Variants in AFG2A observed in about 807,000 individuals in gnomAD.
AFG2A encodes the protein AAA ATPase AFG2A.
At chr4:122,980,620 T>C in the AFG2A span, among the ~76,000 whole-genome samples, 2 of 152,208 alleles carry the variant, frequency 1.3e-5, no homozygotes, top group Non-Finnish European at 2.9e-5. Flanking sequence ...ACCAACAGTG[T>C]ACAAGGGTTT....
the AFG2A span, chr4:123,314,353 TTC>T: frequency 5.2e-6 from 1 of 193,282 alleles, no homozygotes; most frequent in Non-Finnish European, 1.0e-5. Flanking sequence ...ATGAAGCGAT[TTC>T]TTTTTCCAGA....
chr4:123,257,701 G>A, the AFG2A span, among the ~76,000 whole-genome samples: 1 of 152,118 alleles, frequency 6.6e-6, no homozygotes, highest in Non-Finnish European at 1.5e-5. Flanking sequence ...GATTTGAGAC[G>A]AGGGCTGGCA....
At chr4:123,199,072 C>CT in the AFG2A span, among the ~76,000 whole-genome samples, 1 of 152,248 alleles carries the variant, frequency 6.6e-6, no homozygotes, top group South Asian at 2.1e-4. Context: ...GGAAGTGAAT[C>CT]TAAGTCCAAG....
At chr4:123,015,607 A>G in the AFG2A span, among the ~76,000 whole-genome samples, 1 of 151,018 alleles carries the variant, frequency 6.6e-6, no homozygotes, top group South Asian at 2.1e-4. Context: ...CATGGCAACC[A>G]TCCGATTTCT....
the AFG2A span, among the ~76,000 whole-genome samples, chr4:123,076,893 T>C: frequency 7.9e-5 from 12 of 152,084 alleles, no homozygotes; most frequent in African/African-American, 2.7e-4. Flanking sequence ...AGATTTATAC[T>C]TGTTTTCTCT....
chr4:123,003,741 G>C, the AFG2A span, among the ~76,000 whole-genome samples: 1 of 152,052 alleles, frequency 6.6e-6, no homozygotes, highest in African/African-American at 2.4e-5. Context: ...CAGTTGGGGT[G>C]CTCGGTGGTC....
the AFG2A span, among the ~76,000 whole-genome samples, chr4:123,311,201 A>G: frequency 6.6e-6 from 1 of 152,214 alleles, no homozygotes; most frequent in Admixed American, 6.5e-5. Flanking sequence ...GTTGACATAT[A>G]CTAGAGGCCC....
At chr4:123,122,773 G>A in the AFG2A span, among the ~76,000 whole-genome samples, 1 of 140,080 alleles carries the variant, frequency 7.1e-6, no homozygotes, top group Non-Finnish European at 1.6e-5. Flanking sequence ...CATGTCATCT[G>A]TTTTTTTGTT....
At chr4:122,956,143 T>C in the AFG2A span, among the ~76,000 whole-genome samples, 1 of 152,164 alleles carries the variant, frequency 6.6e-6, no homozygotes, top group African/African-American at 2.4e-5. Context: ...AAGAGATTTG[T>C]AAACAACTAC....
At chr4:122,934,378 A>G in the AFG2A span, 2 of 1,614,238 alleles carry the variant, frequency 1.2e-6, no homozygotes, top group African/African-American at 1.3e-5. Context: ...AATTACAAAT[A>G]AAGCCAGTGA....
the AFG2A span, among the ~76,000 whole-genome samples, chr4:123,003,455 G>A: frequency 6.6e-6 from 1 of 152,162 alleles, no homozygotes; most frequent in Non-Finnish European, 1.5e-5. Flanking sequence ...TTTGGTCTTT[G>A]ATGATGGTGA....
the AFG2A span, among the ~76,000 whole-genome samples, chr4:123,299,817 A>G: frequency 6.6e-6 from 1 of 152,346 alleles, no homozygotes; most frequent in South Asian, 2.1e-4. Flanking sequence ...TCTATCCTTT[A>G]AAAATTCACC....
At chr4:123,309,651 C>G in the AFG2A span, among the ~76,000 whole-genome samples, 4 of 152,142 alleles carry the variant, frequency 2.6e-5, no homozygotes, top group Non-Finnish European at 5.9e-5. Context: ...GGTTGAGTAT[C>G]ACTAATCTGA....
At chr4:123,270,824 A>T in the AFG2A span, among the ~76,000 whole-genome samples, 2 of 152,192 alleles carry the variant, frequency 1.3e-5, no homozygotes, top group African/African-American at 4.8e-5. Flanking sequence ...TGGAAATGTT[A>T]TTATCTTCTT....
chr4:123,065,946 CATG>C, the AFG2A span, among the ~76,000 whole-genome samples: 1 of 151,904 alleles, frequency 6.6e-6, no homozygotes, highest in Non-Finnish European at 1.5e-5. Flanking sequence ...AACATAAAAA[CATG>C]ATCAAATATA....
At chr4:122,964,610 CTA>C in the AFG2A span, among the ~76,000 whole-genome samples, 1 of 152,090 alleles carries the variant, frequency 6.6e-6, no homozygotes, top group East Asian at 1.9e-4. Flanking sequence ...TGAGGAGAGA[CTA>C]TGTGATACAT....
the AFG2A span, among the ~76,000 whole-genome samples, chr4:122,923,566 A>G: frequency 4.6e-5 from 7 of 152,238 alleles, no homozygotes; most frequent in Non-Finnish European, 8.8e-5. Context: ...TTTAAGTTGC[A>G]CTTGAAACGC....
At chr4:123,172,672 C>G in the AFG2A span, among the ~76,000 whole-genome samples, 36 of 152,246 alleles carry the variant, frequency 2.4e-4, no homozygotes, top group Admixed American at 8.5e-4. Flanking sequence ...TTACTTAAGT[C>G]TGTTATTTCA....
chr4:123,247,452 T>TCTCA, the AFG2A span, among the ~76,000 whole-genome samples: 1 of 152,098 alleles, frequency 6.6e-6, no homozygotes, highest in Non-Finnish European at 1.5e-5. Context: ...TGAGACAGGG[T>TCTCA]CTCACCCTGT....
Sources: allele counts gnomAD v4.1 joint callset (sites outside exome capture counted in the v4.1 genomes callset), GRCh38; gene constraint gnomAD v4.1.1; transcripts MANE v1.5; gene names NCBI Gene and HGNC (gene_info 2026-07-23, HGNC 2026-07-21).